Variants in SUPT3H observed in about 807,000 individuals in gnomAD.
SUPT3H encodes the protein SPT3 homolog, SAGA and STAGA complex component.
SUPT3H carries 44 observed loss-of-function variants against 44.3 expected under a neutral mutation model. The observed-to-expected ratio is 0.99, with a 90% CI of 0.78 to 1.28. The LOEUF (loss-of-function observed/expected upper bound fraction) is 1.28. SUPT3H is among the 50% of genes most tolerant of loss of function. SUPT3H has a pLI of 0.00. For synonymous variants in SUPT3H, 124 were observed against 125.6 expected, an observed-to-expected ratio of 0.99 and a Z score of 0.09; for missense variants, 380 against 387.1, an observed-to-expected ratio of 0.98 and a Z score of 0.15.
At chr6:45,017,704 T>C (rs1784508976) in intron 4 of SUPT3H, among the ~76,000 whole-genome samples, 1 of 147,288 alleles carries the variant, frequency 6.8e-6, no homozygotes, top group African/African-American at 2.5e-5. Flanking sequence ...CATTGATCTA[T>C]ATCTCTGTTT....
intron 2 of SUPT3H, among the ~76,000 whole-genome samples, chr6:45,299,514 AATTTT>A: frequency 6.6e-6 from 1 of 152,308 alleles, no homozygotes; most frequent in East Asian, 1.9e-4. Context: ...GTAAAAGTTC[AATTTT>A]ATTTATCTTT....
At chr6:44,914,989 C>CAG (rs1767596485) in intron 10 of SUPT3H, among the ~76,000 whole-genome samples, 2 of 152,164 alleles carry the variant, frequency 1.3e-5, no homozygotes, top group Admixed American at 6.5e-5. Flanking sequence ...GATCTGGACT[C>CAG]TTACTACCAT....
intron 2 of SUPT3H, among the ~76,000 whole-genome samples, chr6:45,339,323 T>C (rs1225310324): frequency 6.6e-6 from 1 of 152,120 alleles, no homozygotes; most frequent in Non-Finnish European, 1.5e-5. Context: ...TCAGAACTTT[T>C]TTAAAACAAA....
intron 2 of SUPT3H, among the ~76,000 whole-genome samples, chr6:45,317,855 A>G (rs1784934531): frequency 6.6e-6 from 1 of 150,954 alleles, no homozygotes; most frequent in South Asian, 2.1e-4. Flanking sequence ...ACAATAAACT[A>G]AAACACTTCT....
intron 10 of SUPT3H, among the ~76,000 whole-genome samples, chr6:44,877,123 C>T (rs1777437317): frequency 6.6e-6 from 1 of 152,136 alleles, no homozygotes; most frequent in Non-Finnish European, 1.5e-5. Context: ...TGAGCATTTT[C>T]CCAAGCCATT....
At chr6:45,006,427 T>A (rs967580270) in intron 5 of SUPT3H, among the ~76,000 whole-genome samples, 2 of 152,138 alleles carry the variant, frequency 1.3e-5, no homozygotes, top group African/African-American at 2.4e-5. Flanking sequence ...TTTCTTCTCA[T>A]TGTTAATTTG....
At chr6:45,284,525 C>T (rs570752961) in intron 2 of SUPT3H, among the ~76,000 whole-genome samples, 1 of 151,996 alleles carries the variant, frequency 6.6e-6, no homozygotes, top group East Asian at 1.9e-4. Context: ...ACACATACAC[C>T]CTCCCAAGAC....
intron 2 of SUPT3H, among the ~76,000 whole-genome samples, chr6:45,175,229 T>C (rs1324617389): frequency 6.6e-6 from 1 of 152,136 alleles, no homozygotes; most frequent in African/African-American, 2.4e-5. Context: ...ATTGAACTGC[T>C]GTATTAGTCC....
chr6:45,031,901 T>A (rs905806535), intron 3 of SUPT3H, among the ~76,000 whole-genome samples: 4 of 152,182 alleles, frequency 2.6e-5, no homozygotes, highest in African/African-American at 9.7e-5. Context: ...TTAGCAGTAA[T>A]GACTTATCTT....
chr6:45,102,534 C>G (rs1402686141), intron 3 of SUPT3H, among the ~76,000 whole-genome samples: 1 of 151,068 alleles, frequency 6.6e-6, no homozygotes, highest in Non-Finnish European at 1.5e-5. Flanking sequence ...ATTAGACATG[C>G]AAAAAAAACC....
At chr6:45,173,967 CAA>C in intron 2 of SUPT3H, among the ~76,000 whole-genome samples, 1 of 152,290 alleles carries the variant, frequency 6.6e-6, no homozygotes, top group South Asian at 2.1e-4. Context: ...CCCTGCTGCC[CAA>C]AGAGTTACTG....
chr6:45,041,610 A>T (rs1355073300), intron 3 of SUPT3H, among the ~76,000 whole-genome samples: 1 of 152,216 alleles, frequency 6.6e-6, no homozygotes, highest in African/African-American at 2.4e-5. Flanking sequence ...TCCAAATCAG[A>T]AAAATTGCTT....
chr6:44,898,586 T>C (rs1335554801), intron 10 of SUPT3H: 3 of 152,214 alleles, frequency 2.0e-5, no homozygotes, highest in Admixed American at 6.5e-5. Flanking sequence ...GTGGTTACTG[T>C]TGTAACAGTA....
intron 2 of SUPT3H, among the ~76,000 whole-genome samples, chr6:45,180,688 C>T (rs1812987512): frequency 6.6e-6 from 1 of 152,064 alleles, no homozygotes; most frequent in Non-Finnish European, 1.5e-5. Context: ...AAACTGGATC[C>T]CTTCCTTACA....
intron 6 of SUPT3H, among the ~76,000 whole-genome samples, chr6:45,003,251 A>C (rs553827280): frequency 2.6e-5 from 4 of 152,304 alleles, no homozygotes; most frequent in Admixed American, 2.0e-4. Context: ...TATAGCCAGA[A>C]GAATAGCTCT....
At chr6:45,080,984 T>C (rs575683392) in intron 3 of SUPT3H, among the ~76,000 whole-genome samples, 7 of 151,890 alleles carry the variant, frequency 4.6e-5, no homozygotes, top group Non-Finnish European at 7.4e-5. Flanking sequence ...TTTACCCTGA[T>C]AAAATTACTA....
At chr6:44,920,775 T>A (rs1020820099) in intron 10 of SUPT3H, among the ~76,000 whole-genome samples, 2 of 152,120 alleles carry the variant, frequency 1.3e-5, no homozygotes, top group African/African-American at 4.8e-5. Flanking sequence ...CTTTGATGCT[T>A]CATCTCATCT....
rs570628589 is a variant in SUPT3H, at chr6:45,255,125, C to A, written c.101+110076G>T. Among the ~76,000 whole-genome samples the A allele has an allele frequency of 2.6e-4, 40 of 152,084 alleles. 2 individuals are homozygous for A. In the East Asian group the frequency reaches 7.3e-3, roughly 28 times the overall value. ...TAGTTGCTGCTAATCTCATACTATG[C>A]CTAATTAATTAAACTTTATCAAAGG... On this transcript the variant is annotated intron_variant, in intron 2 of 10. Coordinates refer to ENST00000371459, the MANE Select transcript of SUPT3H (RefSeq NM_003599.4).
chr6:45,236,351 G>A (rs1328509072), intron 2 of SUPT3H, among the ~76,000 whole-genome samples: 1 of 152,114 alleles, frequency 6.6e-6, no homozygotes, highest in Non-Finnish European at 1.5e-5. Flanking sequence ...CCCGTGGTGA[G>A]TAAAAAGGGG....
Sources: allele counts gnomAD v4.1 joint callset (sites outside exome capture counted in the v4.1 genomes callset), GRCh38; gene constraint gnomAD v4.1.1; transcripts MANE v1.5; gene names NCBI Gene and HGNC (gene_info 2026-07-23, HGNC 2026-07-21).